AGPS: variants seen among roughly 807,000 people sequenced by gnomAD.
AGPS encodes the protein alkyldihydroxyacetonephosphate synthase, peroxisomal.
A neutral mutation model predicts 90.7 loss-of-function variants in AGPS; 26 were observed. The observed-to-expected ratio is 0.29, with a 90% CI of 0.21 to 0.40. The LOEUF is 0.40. AGPS is among the 10% of genes least tolerant of loss of function. AGPS has a pLI of 1.00. For missense variants in AGPS, 540 were observed against 816.1 expected (o/e 0.66, Z 4.12); for synonymous variants, 294 against 285.3 (o/e 1.03, Z -0.31).
chr2:177,490,298 T>A (rs1452511260), intron 11 of AGPS, among the ~76,000 whole-genome samples: 1 of 152,144 alleles, frequency 6.6e-6, no homozygotes, highest in Non-Finnish European at 1.5e-5. Flanking sequence ...TACCAGGAGA[T>A]CATAAACCAA....
At chr2:177,504,449 AT>A (rs763718436) in intron 14 of AGPS, among the ~76,000 whole-genome samples, 2 of 151,918 alleles carry the variant, frequency 1.3e-5, no homozygotes, top group East Asian at 1.9e-4. Context: ...AGTCCCCTTC[AT>A]TTTTTTTATT....
rs3834134 is a variant in AGPS, at chr2:177,436,968, AC to A, written c.563-10del. 599 of 1,612,876 alleles carry A rather than the reference AC, an allele frequency of 3.7e-4. 8 individuals carry two copies. In the East Asian group the frequency reaches 0.012, roughly 31 times the overall value. ...TGTTTTTGTGTTTTTCTTTTTTTTAACCACAAAACAGGTCATTGTCTTCATG... is the reference window on the plus strand; with the variant it reads ...TGTTTTTGTGTTTTTCTTTTTTTTAACACAAAACAGGTCATTGTCTTCATG... On this transcript the variant is annotated splice_polypyrimidine_tract_variant and intron_variant, in intron 4 of 19. Coordinates refer to ENST00000264167, the MANE Select transcript of AGPS (RefSeq NM_003659.4).
chr2:177,483,132 A>G (rs1559066769), intron 11 of AGPS, among the ~76,000 whole-genome samples: 1 of 152,216 alleles, frequency 6.6e-6, no homozygotes, highest in Admixed American at 6.5e-5. Flanking sequence ...CAAAGGAATC[A>G]TATCGAGCAA....
chr2:177,501,807 A>C (rs1168868387), intron 14 of AGPS, among the ~76,000 whole-genome samples: 1 of 152,148 alleles, frequency 6.6e-6, no homozygotes, highest in Non-Finnish European at 1.5e-5. Context: ...AGCTGGGATT[A>C]CAGGCTCATG....
In AGPS at chr2:177,402,311, A is replaced by G. The variant is rs183635986; in HGVS notation, c.260+9262A>G. 3.0e-3 allele frequency among the ~76,000 whole-genome samples: 457 copies of G among 152,342 alleles called. 4 individuals are homozygous for G. Among genetic ancestry groups the G allele is most frequent in the African/African-American group, 0.01 (431 of 41,592 alleles). ...GCAAATATCCTAAGAGGAAATGCAC[A>G]TGTGGCATATCAGGAAAGCCACAAG... On this transcript the variant is annotated intron_variant, in intron 1 of 19. Transcript: ENST00000264167.
chr2:177,512,427 T>C (rs923882399), intron 16 of AGPS, among the ~76,000 whole-genome samples: 3 of 152,160 alleles, frequency 2.0e-5, no homozygotes, highest in African/African-American at 4.8e-5. Flanking sequence ...AGATAAAAAA[T>C]GTGACATGCT....
chr2:177,528,826 G>T lies in AGPS; in HGVS notation c.1855+5021G>T, dbSNP rs576151763. 9.6e-5 allele frequency among the ~76,000 whole-genome samples: 14 copies of T among 146,560 alleles called. No homozygotes were observed. In the South Asian group the frequency reaches 3.1e-3, roughly 33 times the overall value. The stretch of plus-strand genomic sequence containing the variant: ...GAGCAGTTTTGCAAATTCTCAAATA[G>T]CTCTGAATCTTGCATATTAATCCTT... On this transcript the variant is annotated intron_variant, in intron 19 of 19. Transcript: ENST00000264167.
chr2:177,511,499 G>T (rs921387708), intron 16 of AGPS, among the ~76,000 whole-genome samples: 1 of 152,032 alleles, frequency 6.6e-6, no homozygotes, highest in Admixed American at 6.6e-5. Context: ...AAAAAAGAAG[G>T]CCTAAGAAAG....
intron 19 of AGPS, among the ~76,000 whole-genome samples, chr2:177,536,582 T>C (rs1454818678): frequency 9.2e-5 from 14 of 152,124 alleles, no homozygotes; most frequent in Non-Finnish European, 2.1e-4. Flanking sequence ...TAGGAGATAA[T>C]AGAAGGTCCT....
chr2:177,395,936 T>C (rs1440793899), intron 1 of AGPS, among the ~76,000 whole-genome samples: 1 of 152,144 alleles, frequency 6.6e-6, no homozygotes, highest in East Asian at 1.9e-4. Context: ...GTCCTAGGCA[T>C]TGGAGGTAAA....
At chr2:177,482,300 G>A (rs751886922) in intron 11 of AGPS, 114 bp downstream of exon 11, 1 of 587,396 alleles carries the variant, frequency 1.7e-6, no homozygotes, top group Non-Finnish European at 2.7e-6. Context: ...TTCATTTTTA[G>A]TTGTATTATA....
chr2:177,393,026 G>A lies in AGPS; in HGVS notation c.237G>A (p.Glu79=), dbSNP rs1685065993. 6.5e-7 allele frequency: 1 copy of A among 1,550,364 alleles called. No homozygotes were observed. The change falls in exon 1 of 20, where the codon GAG becomes GAA. Residue 79 remains glutamate, a synonymous_variant. Transcript: ENST00000264167. The stretch of plus-strand genomic sequence containing the variant: ...CCACGGCCACTCCCGCCGCGCAGGA[G>A]TCGGGCACCATCCCAAAGAAGCGGT... ...AAPTATPAAQ[E]SGTIPKKRQE... is the part of the protein sequence containing the mutation.
intron 8 of AGPS, among the ~76,000 whole-genome samples, chr2:177,457,554 C>A (rs560019698): frequency 1.3e-5 from 2 of 152,264 alleles, no homozygotes; most frequent in South Asian, 4.1e-4. Flanking sequence ...ACTATAAATG[C>A]CTCTACACAA....
At chr2:177,477,159 G>A (rs1398831009) in intron 10 of AGPS, among the ~76,000 whole-genome samples, 2 of 151,890 alleles carry the variant, frequency 1.3e-5, no homozygotes, top group Non-Finnish European at 2.9e-5. Context: ...TGGTATGGTC[G>A]GATTTATGTC....
intron 10 of AGPS, among the ~76,000 whole-genome samples, chr2:177,471,162 A>T (rs1687614136): frequency 6.6e-6 from 1 of 152,180 alleles, no homozygotes; most frequent in South Asian, 2.1e-4. Flanking sequence ...ATTTATATGA[A>T]ATCATATTCT....
At chr2:177,438,286 C>A (rs2105632795) in intron 5 of AGPS, among the ~76,000 whole-genome samples, 1 of 152,264 alleles carries the variant, frequency 6.6e-6, no homozygotes, top group East Asian at 1.9e-4. Context: ...TTGGGCTTGG[C>A]AGTGCATGCC....
chr2:177,532,562 A>G (rs2079148144), intron 19 of AGPS, among the ~76,000 whole-genome samples: 1 of 152,206 alleles, frequency 6.6e-6, no homozygotes, highest in African/African-American at 2.4e-5. Flanking sequence ...GCAGTTTCTT[A>G]TGAAACTGAA....
At chr2:177,418,636 T>C (rs1685856894) in intron 1 of AGPS, among the ~76,000 whole-genome samples, 1 of 152,008 alleles carries the variant, frequency 6.6e-6, no homozygotes, top group African/African-American at 2.4e-5. Flanking sequence ...TATTAAAATA[T>C]ACATTTATCC....
intron 1 of AGPS, among the ~76,000 whole-genome samples, chr2:177,394,748 A>C (rs1685122025): frequency 6.6e-6 from 1 of 152,226 alleles, no homozygotes. Flanking sequence ...AAACGGGAAC[A>C]GTAATCCTGT....
Sources: gnomAD v4.1 joint callset for allele counts (sites outside exome capture counted in the v4.1 genomes callset) on GRCh38, gnomAD v4.1.1 for gene constraint, MANE v1.5 for transcripts, NCBI Gene and HGNC (gene_info 2026-07-23, HGNC 2026-07-21) for gene names.